Variants in MIER2 observed in about 807,000 individuals in gnomAD.
MIER2 encodes mesoderm induction early response protein 2.
In MIER2, 30 loss-of-function variants were observed where a neutral mutation model predicts 67.6. That is an observed-to-expected ratio of 0.44 (90% CI 0.33 to 0.60). MIER2 has a LOEUF of 0.60. Ranked by LOEUF, MIER2 falls within the 20% of genes least tolerant of loss-of-function variation. The probability of loss-of-function intolerance (pLI) is 0.02; values close to 1 mark genes in which losing one functional copy is unlikely to be tolerated. For synonymous variants in MIER2, 372 were observed against 312.6 expected (o/e 1.19, Z -2.00); for missense variants, 702 against 745.1 (o/e 0.94, Z 0.67).
At chr19:341,890 C>G (rs769224698) in intron 1 of MIER2, among the ~76,000 whole-genome samples, 34 of 152,324 alleles carry the variant, frequency 2.2e-4, no homozygotes, top group Non-Finnish European at 3.8e-4. Flanking sequence ...ATAAAGACTG[C>G]ACCAGAGGAC....
At chr19:315,517 A>T (rs960145728) in intron 7 of MIER2, among the ~76,000 whole-genome samples, 36 of 152,240 alleles carry the variant, frequency 2.4e-4, no homozygotes, top group African/African-American at 6.8e-4. Context: ...AGAGACTTGA[A>T]ATTTATAGAA....
chr19:326,917 T>C (rs1971777497), intron 5 of MIER2: 4 of 630,678 alleles, frequency 6.3e-6, no homozygotes, highest in Admixed American at 3.3e-5. Context: ...ACATGTTCCC[T>C]ACTTGTTTAA....
rs896940732 is a variant in MIER2, at chr19:305,658, T to G, written c.*1032A>C. 1 of 151,874 alleles carries G rather than the reference T, an allele frequency of 6.6e-6. No individual in the cohort carries two copies. The highest frequency in any genetic ancestry group is 2.4e-5 in the African/African-American group (1 of 41,164). The allele number at this position is 151,874 out of a possible 1,614,324, so 9.4% of individuals were successfully genotyped here. A position where few individuals can be genotyped will look rare whatever the true frequency, so the allele number is the denominator to read the frequency against. On this transcript the variant is annotated 3_prime_UTR_variant, in exon 14 of 14. Coordinates refer to ENST00000264819, the MANE Select transcript of MIER2 (RefSeq NM_017550.3). Reference sequence around the variant, plus strand: ...CTTCACAGTGTGGTCCTTGGTGGGGTGAGGGATGGTCGAGTCCAACTCGGA... The same window carrying G: ...CTTCACAGTGTGGTCCTTGGTGGGGGGAGGGATGGTCGAGTCCAACTCGGA...
At chr19:314,710 A>T (rs554700365) in intron 7 of MIER2, among the ~76,000 whole-genome samples, 1 of 151,940 alleles carries the variant, frequency 6.6e-6, no homozygotes, top group African/African-American at 2.4e-5. Context: ...GCTTGGACAG[A>T]GGTGGTCTCC....
intron 7 of MIER2, among the ~76,000 whole-genome samples, chr19:324,468 A>G (rs944463463): frequency 1.2e-4 from 17 of 141,148 alleles, no homozygotes; most frequent in African/African-American, 4.2e-4. Context: ...CGTCATCACA[A>G]TGCAATACAC....
rs1199084987 is a variant in MIER2, at chr19:317,433, A to G, written c.656-3790T>C. Among the ~76,000 whole-genome samples, 3 of 97,998 alleles carry G rather than the reference A, an allele frequency of 3.1e-5. No individual in the cohort carries two copies. The Admixed American group carries it at 3.1e-4, about 10-fold the overall frequency. The allele number at this position is 97,998 out of a possible 152,430, so 64.3% of individuals were successfully genotyped here. The stretch of plus-strand genomic sequence containing the variant: ...TCCCAGCTACTCAGGAGGCTGAAGC[A>G]GGAGAATGGCGTGAACCCGGGAGGC... On this transcript the variant is annotated intron_variant, in intron 7 of 13. Transcript: ENST00000264819.
At chr19:323,746 T>C (rs538817322) in intron 7 of MIER2, among the ~76,000 whole-genome samples, 131 of 150,996 alleles carry the variant, frequency 8.7e-4, no homozygotes, top group Middle Eastern at 3.4e-3. Context: ...ACAGACGTCA[T>C]CACAATGCAA....
chr19:339,714 C>G (rs1469000860), intron 1 of MIER2, among the ~76,000 whole-genome samples: 2 of 151,130 alleles, frequency 1.3e-5, no homozygotes, highest in Admixed American at 1.3e-4. Context: ...CAGCCAGACA[C>G]AAAAGGCCAC....
chr19:335,235 C>T (rs1281402227), intron 2 of MIER2, among the ~76,000 whole-genome samples: 1 of 152,194 alleles, frequency 6.6e-6, no homozygotes, highest in Non-Finnish European at 1.5e-5. Context: ...TAGGCCAAGG[C>T]TGGGGGCCTG....
At chr19:331,570 G>A (rs968256531) in intron 3 of MIER2, among the ~76,000 whole-genome samples, 8 of 152,076 alleles carry the variant, frequency 5.3e-5, no homozygotes, top group African/African-American at 1.9e-4. Flanking sequence ...TCAGGAGGCT[G>A]AGGCAGGAGC....
rs372712662 is a variant in MIER2 at position 324,621 on chromosome 19, G to A, written c.655+1014C>T. 2.3e-4 allele frequency among the ~76,000 whole-genome samples: 33 copies of A among 145,652 alleles called. No individual in the cohort carries two copies. The East Asian group carries it at 2.3e-3, about 10-fold the overall frequency. ...ACAAGACACACACAACCACGCAGAC[G>A]ACTCGAATGACACAGACGTCATCAC... is the stretch of plus-strand genomic sequence containing the variant. On this transcript the variant is annotated intron_variant, in intron 7 of 13. Coordinates refer to ENST00000264819, the MANE Select transcript of MIER2 (RefSeq NM_017550.3).
Position 327,904 on chromosome 19 carries a change from C to G in MIER2, c.329G>C (p.Gly110Ala). The G allele has an allele frequency of 6.2e-7, 1 of 1,612,874 alleles. No individual in the cohort carries two copies. The highest frequency in any genetic ancestry group is 8.5e-7 in the Non-Finnish European group (1 of 1,179,440). The change falls in exon 4 of 14, where the codon GGT becomes GCT. Residue 110 changes from glycine (G) to alanine (A), a missense_variant. Physicochemically the swap from Gly to Ala is moderately conservative, Grantham distance 60. This residue lies in a region of MIER2 where 320 missense variants were observed against 292.6 expected (regional missense o/e 1.09). Coordinates refer to ENST00000264819, the MANE Select transcript of MIER2 (RefSeq NM_017550.3). ...DPISDRESEG[G>A]DVAPNLPDMT... ...GTCTGGGAGGTTCGGGGCCACGTCA[C>G]CACCCTCACTCTCCCGGTCTGAAAT...
intron 1 of MIER2, chr19:343,784 C>G (rs1454885765): frequency 2.1e-6 from 2 of 960,960 alleles, no homozygotes; most frequent in Non-Finnish European, 2.5e-6. Context: ...GACTGAGCAC[C>G]TCGCAGCCGC....
At chr19:324,957 G>A (rs937235843) in intron 7 of MIER2, among the ~76,000 whole-genome samples, 10 of 152,224 alleles carry the variant, frequency 6.6e-5, no homozygotes, top group South Asian at 2.1e-4. Flanking sequence ...CCAGGAGGAC[G>A]ACTTCTCTTC....
chr19:307,828 G>A (rs542483678), intron 12 of MIER2, among the ~76,000 whole-genome samples: 1 of 152,182 alleles, frequency 6.6e-6, no homozygotes, highest in South Asian at 2.1e-4. Context: ...GCACTGCAGA[G>A]GGTAAATACA....
At chr19:344,495 TCCCCCACCCCGG>T in intron 1 of MIER2, 4 of 481,404 alleles carry the variant, frequency 8.3e-6, no homozygotes, top group Non-Finnish European at 1.1e-5. Flanking sequence ...GTCCCTCCCC[TCCCCCACCCCGG>T]CCCCCGCCCG....
intron 5 of MIER2, 91 bp downstream of exon 5, chr19:327,042 G>C: frequency 6.7e-7 from 1 of 1,485,762 alleles, no homozygotes; most frequent in Non-Finnish European, 9.0e-7. Flanking sequence ...TGAGTTCTTG[G>C]CCTGCATCAG....
chr19:317,130 C>T (rs1036034033), intron 7 of MIER2, among the ~76,000 whole-genome samples: 3 of 152,176 alleles, frequency 2.0e-5, no homozygotes, highest in Non-Finnish European at 4.4e-5. Flanking sequence ...TCCAGTGGCT[C>T]ACGCCTGTAA....
At position 336,109 on chromosome 19, in the gene MIER2, C is replaced by T; in HGVS notation, c.74G>A (p.Gly25Glu). 1 of 1,613,940 alleles carries T rather than the reference C, an allele frequency of 6.2e-7. No individual in the cohort carries two copies. Among genetic ancestry groups the T allele is most frequent in the Non-Finnish European group, 8.5e-7 (1 of 1,179,872 alleles). ...VSCLEHSLCPGEPGLQTTAVV... is the reference protein window; with the variant it reads ...VSCLEHSLCPEEPGLQTTAVV... ...TGCTGTTGTCTGCAAGCCCGGCTCC[C>T]CTGGGCACAGGCTGTGCTCGAGGCA... Residue 25 changes from glycine to glutamate, a missense_variant, in exon 2 of 14, where the codon GGG becomes GAG. By Grantham distance (98) the Gly-to-Glu change is moderately conservative. Around this residue, in one of 3 missense-constraint regions of MIER2, gnomAD observed 320 missense variants for 292.6 expected, o/e 1.09. Transcript: ENST00000264819.
Sources: allele counts gnomAD v4.1 joint callset (sites outside exome capture counted in the v4.1 genomes callset), GRCh38; gene constraint gnomAD v4.1.1; regional missense constraint gnomAD v4.1.1; transcripts MANE v1.5; gene names NCBI Gene and HGNC (gene_info 2026-07-23, HGNC 2026-07-21).